Variants in RABGAP1L observed in about 807,000 individuals in gnomAD.
RABGAP1L encodes RAB GTPase activating protein 1 like.
RABGAP1L carries 63 observed loss-of-function variants against 137.7 expected under a neutral mutation model. The observed-to-expected ratio is 0.46, with a 90% confidence interval of 0.37 to 0.56. The LOEUF (loss-of-function observed/expected upper bound fraction) is 0.56, where lower values mean the gene tolerates loss of function less well. Among genes scored for constraint, RABGAP1L ranks in the 20% least tolerant of loss-of-function variants. The probability of loss-of-function intolerance (pLI) is 0.00; values close to 1 mark genes in which losing one functional copy is unlikely to be tolerated. For missense variants in RABGAP1L, 1,095 were observed against 1,244.0 expected (o/e 0.88, Z 1.80); for synonymous variants, 431 against 433.7 (o/e 0.99, Z 0.08).
intron 13 of RABGAP1L, among the ~76,000 whole-genome samples, chr1:174,512,169 G>T (rs897712771): frequency 1.3e-5 from 2 of 151,952 alleles, no homozygotes; most frequent in South Asian, 2.1e-4. Flanking sequence ...GAAAAACAAA[G>T]AATTCTTCAT....
intron 13 of RABGAP1L, among the ~76,000 whole-genome samples, chr1:174,541,534 T>C (rs1188990465): frequency 2.6e-5 from 4 of 152,162 alleles, no homozygotes; most frequent in African/African-American, 9.7e-5. Context: ...CCCAGCACTT[T>C]TGGAGGCCAA....
intron 13 of RABGAP1L, among the ~76,000 whole-genome samples, chr1:174,520,872 A>T (rs934603676): frequency 5.9e-5 from 9 of 152,120 alleles, no homozygotes; most frequent in South Asian, 4.1e-4. Context: ...ATGGTGGTGC[A>T]TGCCTATAGT....
intron 17 of RABGAP1L, among the ~76,000 whole-genome samples, chr1:174,709,180 G>A (rs762988287): frequency 6.6e-6 from 1 of 152,216 alleles, no homozygotes; most frequent in African/African-American, 2.4e-5. Flanking sequence ...CCAGTCAGAG[G>A]CTTATAGATA....
chr1:174,410,969 T>C (rs1339457401), intron 13 of RABGAP1L, among the ~76,000 whole-genome samples: 1 of 152,204 alleles, frequency 6.6e-6, no homozygotes, highest in Non-Finnish European at 1.5e-5. Flanking sequence ...CTTGGTTAGA[T>C]GTATTCCTAG....
chr1:174,318,129 G>T (rs147755278), intron 11 of RABGAP1L, among the ~76,000 whole-genome samples: 2 of 151,898 alleles, frequency 1.3e-5, no homozygotes, highest in African/African-American at 4.8e-5. Context: ...TTGATTTTTG[G>T]TTCTTACAAA....
chr1:174,351,089 G>A (rs1002329313), intron 11 of RABGAP1L, among the ~76,000 whole-genome samples: 2 of 142,248 alleles, frequency 1.4e-5, no homozygotes, highest in Admixed American at 6.9e-5. Flanking sequence ...GGAGGGGGAG[G>A]GGGAGGGGGA....
chr1:174,226,418 C>T (rs1321552366), intron 3 of RABGAP1L, among the ~76,000 whole-genome samples: 1 of 152,160 alleles, frequency 6.6e-6, no homozygotes, highest in Admixed American at 6.5e-5. Context: ...AGAAAGAGTC[C>T]TCCGGTCGTT....
Position 174,986,858 on chromosome 1 carries a change from C to T in RABGAP1L, c.2806-1783C>T, listed in dbSNP as rs538807064. ...CAATCTATTTCTTCAGGTGGTTCAA[C>T]CTAATAAAATTACTTAGCCAGCTTG... On this transcript the variant is annotated intron_variant, in intron 24 of 25. Coordinates refer to ENST00000681986, the MANE Select transcript of RABGAP1L (RefSeq NM_001366446.1). Among the ~76,000 whole-genome samples the T allele has an allele frequency of 2.8e-3, 431 of 152,300 alleles. 4 individuals are homozygous for T. The highest frequency in any genetic ancestry group is 9.6e-3 in the African/African-American group (401 of 41,578).
At chr1:174,488,359 G>C (rs1475366342) in intron 13 of RABGAP1L, among the ~76,000 whole-genome samples, 2 of 150,740 alleles carry the variant, frequency 1.3e-5, no homozygotes, top group Non-Finnish European at 3.0e-5. Context: ...TCATGCCACT[G>C]TCTCCTGGCC....
intron 17 of RABGAP1L, among the ~76,000 whole-genome samples, chr1:174,748,706 C>CA (rs145303382): frequency 0.08 from 11,784 of 147,798 alleles, 637 homozygotes; most frequent in East Asian, 0.32. Context: ...CCCTCTCTAC[C>CA]AAAAAAAAAG....
At chr1:174,469,822 G>GT (rs1657710889) in intron 13 of RABGAP1L, among the ~76,000 whole-genome samples, 1 of 152,074 alleles carries the variant, frequency 6.6e-6, no homozygotes, top group Admixed American at 6.6e-5. Context: ...ATGGCACTCA[G>GT]TTCCAGTTCC....
intron 11 of RABGAP1L, among the ~76,000 whole-genome samples, chr1:174,309,741 T>C (rs1240294620): frequency 1.3e-5 from 2 of 152,144 alleles, no homozygotes; most frequent in Non-Finnish European, 2.9e-5. Context: ...AATGTGCTGT[T>C]GTGTTTGGTA....
At chr1:174,375,701 T>A (rs1373260602) in intron 12 of RABGAP1L, among the ~76,000 whole-genome samples, 1 of 152,118 alleles carries the variant, frequency 6.6e-6, no homozygotes, top group Non-Finnish European at 1.5e-5. Context: ...CAAAATTGAA[T>A]TCATAGTTTA....
intron 3 of RABGAP1L, among the ~76,000 whole-genome samples, chr1:174,229,698 G>C (rs957716324): frequency 3.9e-5 from 6 of 152,148 alleles, no homozygotes; most frequent in Non-Finnish European, 8.8e-5. Flanking sequence ...CCAAGTCTTT[G>C]CTATTGTGAA....
intron 13 of RABGAP1L, among the ~76,000 whole-genome samples, chr1:174,457,879 A>G (rs926300773): frequency 2.6e-5 from 4 of 152,156 alleles, no homozygotes; most frequent in Non-Finnish European, 5.9e-5. Flanking sequence ...ATGTCACTAT[A>G]TGCAGGTTAT....
At chr1:174,907,220 A>C (rs1033622679) in intron 19 of RABGAP1L, among the ~76,000 whole-genome samples, 1 of 152,136 alleles carries the variant, frequency 6.6e-6, no homozygotes, top group Admixed American at 6.6e-5. Flanking sequence ...AAATCAGACA[A>C]CTGAAAGTCA....
intron 14 of RABGAP1L, 119 bp downstream of exon 14, chr1:174,637,607 T>C: frequency 1.4e-6 from 1 of 724,450 alleles, no homozygotes; most frequent in South Asian, 1.7e-5. Context: ...TGTTTTCTGC[T>C]TTGCACACAC....
chr1:174,800,698 G>T (rs1227189890), intron 18 of RABGAP1L, among the ~76,000 whole-genome samples: 1 of 152,086 alleles, frequency 6.6e-6, no homozygotes, highest in Non-Finnish European at 1.5e-5. Flanking sequence ...TTGGTTAGAG[G>T]AGATCATGGC....
At chr1:174,636,301 G>T (rs766144948) in intron 13 of RABGAP1L, among the ~76,000 whole-genome samples, 1 of 151,938 alleles carries the variant, frequency 6.6e-6, no homozygotes, top group Non-Finnish European at 1.5e-5. Flanking sequence ...GGTGAATCAC[G>T]AGGTCAGGAG....
Sources: gnomAD v4.1 joint callset for allele counts (sites outside exome capture counted in the v4.1 genomes callset) on GRCh38, gnomAD v4.1.1 for gene constraint, MANE v1.5 for transcripts, NCBI Gene and HGNC (gene_info 2026-07-23, HGNC 2026-07-21) for gene names.